Variants in NDST4 observed in about 807,000 individuals in gnomAD.
NDST4 encodes the protein N-heparan sulfate sulfotransferase 4.
In NDST4, 63 loss-of-function variants were observed where a neutral mutation model predicts 100.8. That is an observed-to-expected ratio of 0.62 (90% CI 0.51 to 0.77). NDST4 has a LOEUF of 0.77. Among genes scored for constraint, NDST4 ranks in the 30% least tolerant of loss-of-function variants. The pLI, the probability that NDST4 is intolerant of heterozygous loss-of-function variation, is 0.00. For missense variants in NDST4, 943 were observed against 1,018.4 expected, an observed-to-expected ratio of 0.93 and a Z score of 1.01; for synonymous variants, 377 against 361.8, an observed-to-expected ratio of 1.04 and a Z score of -0.48.
At chr4:114,855,869 C>T (rs1723782527) in intron 7 of NDST4, among the ~76,000 whole-genome samples, 1 of 151,974 alleles carries the variant, frequency 6.6e-6, no homozygotes, top group Non-Finnish European at 1.5e-5. Context: ...ACTATGTCAC[C>T]AAAGTTCTGA....
At position 114,827,879 on chromosome 4, in the gene NDST4, C is replaced by A; in HGVS notation, c.2556G>T (p.Leu852=). The stretch of plus-strand genomic sequence containing the variant: ...GCAGAGGCTGTCCCAGTCTGTGTAG[C>A]AGTTTGGATAGTTCCACATTATGAT... ...YRDHNVELSK[L]LHRLGQPLPS... The change falls in exon 14 of 14, where the codon CTG becomes CTT. Residue 852 remains leucine (L), a synonymous_variant. Coordinates refer to ENST00000264363, the MANE Select transcript of NDST4 (RefSeq NM_022569.3). 6.2e-7 allele frequency: 1 copy of A among 1,611,704 alleles called. No homozygotes were observed. The highest frequency in any genetic ancestry group is 1.1e-5 in the South Asian group (1 of 90,664).
intron 6 of NDST4, among the ~76,000 whole-genome samples, chr4:114,908,782 G>T (rs919219291): frequency 6.6e-6 from 1 of 152,062 alleles, no homozygotes; most frequent in Non-Finnish European, 1.5e-5. Flanking sequence ...TTAAACTGAT[G>T]AATTAATGTT....
chr4:114,955,817 C>G lies in NDST4; in HGVS notation c.1221+14613G>C, dbSNP rs568561440. ...GATGGCATGTGAGCCATGACCTGCTCCTTTCTCTTCCTGCCCCAGTTTAGA... is the reference window on the plus strand; with the variant it reads ...GATGGCATGTGAGCCATGACCTGCTGCTTTCTCTTCCTGCCCCAGTTTAGA... On this transcript the variant is annotated intron_variant, in intron 4 of 13. Coordinates refer to ENST00000264363, the MANE Select transcript of NDST4 (RefSeq NM_022569.3). 126 of 152,352 alleles carry G rather than the reference C, an allele frequency of 8.3e-4. 2 individuals are homozygous for G. The South Asian group carries it at 0.026, about 31-fold the overall frequency. The allele number at this position is 152,352 out of a possible 1,614,324, so 9.4% of individuals were successfully genotyped here.
At chr4:115,060,041 A>G (rs1391335871) in intron 2 of NDST4, among the ~76,000 whole-genome samples, 2 of 152,116 alleles carry the variant, frequency 1.3e-5, no homozygotes, top group Middle Eastern at 3.4e-3. Flanking sequence ...ATATTGCTAC[A>G]TAAAAACAAG....
At chr4:114,950,703 T>A (rs905560411) in intron 4 of NDST4, among the ~76,000 whole-genome samples, 2 of 152,098 alleles carry the variant, frequency 1.3e-5, no homozygotes, top group Non-Finnish European at 2.9e-5. Context: ...CTCTTTCTGC[T>A]ACTGCTCCCT....
At chr4:114,914,228 T>C (rs1336964284) in intron 6 of NDST4, among the ~76,000 whole-genome samples, 1 of 151,842 alleles carries the variant, frequency 6.6e-6, no homozygotes, top group Non-Finnish European at 1.5e-5. Context: ...AATTAATGGG[T>C]ACAAAAAAAT....
chr4:114,884,270 T>C (rs1283860929), intron 6 of NDST4, among the ~76,000 whole-genome samples: 1 of 152,092 alleles, frequency 6.6e-6, no homozygotes, highest in Non-Finnish European at 1.5e-5. Flanking sequence ...TGTGCTCACA[T>C]ATCAACTCCA....
intron 2 of NDST4, among the ~76,000 whole-genome samples, chr4:114,981,557 C>A (rs1726773486): frequency 6.6e-6 from 1 of 152,134 alleles, no homozygotes; most frequent in East Asian, 1.9e-4. Flanking sequence ...GTATCTACTC[C>A]CAGGCTTATC....
chr4:115,102,447 C>T (rs1312581637), intron 1 of NDST4, among the ~76,000 whole-genome samples: 1 of 151,968 alleles, frequency 6.6e-6, no homozygotes, highest in Non-Finnish European at 1.5e-5. Flanking sequence ...TCAATGATAA[C>T]AGTAATCAAA....
chr4:115,030,269 A>G (rs559596461), intron 2 of NDST4, among the ~76,000 whole-genome samples: 1 of 152,312 alleles, frequency 6.6e-6, no homozygotes, highest in South Asian at 2.1e-4. Context: ...AAATTACAAC[A>G]TAAAAATATA....
At chr4:114,871,747 T>C (rs974943430) in intron 6 of NDST4, among the ~76,000 whole-genome samples, 3 of 152,080 alleles carry the variant, frequency 2.0e-5, no homozygotes, top group Admixed American at 1.3e-4. Flanking sequence ...AGTTCATTAC[T>C]TTGTGACAAG....
At chr4:115,006,762 AC>A (rs1727428683) in intron 2 of NDST4, among the ~76,000 whole-genome samples, 1 of 152,070 alleles carries the variant, frequency 6.6e-6, no homozygotes, top group Non-Finnish European at 1.5e-5. Flanking sequence ...TGAAGTTGAA[AC>A]CATGGGTTTG....
intron 2 of NDST4, among the ~76,000 whole-genome samples, chr4:115,005,557 C>T (rs1262867644): frequency 6.6e-6 from 1 of 152,072 alleles, no homozygotes; most frequent in Non-Finnish European, 1.5e-5. Context: ...CAATGAGTGA[C>T]AAGTCCTTGT....
intron 2 of NDST4, among the ~76,000 whole-genome samples, chr4:115,008,339 G>T (rs1727466120): frequency 7.8e-6 from 1 of 128,846 alleles, no homozygotes; most frequent in Non-Finnish European, 1.7e-5. Flanking sequence ...GCAGTGGCTG[G>T]TACCAGTTGT....
intron 6 of NDST4, among the ~76,000 whole-genome samples, chr4:114,916,413 A>G (rs1290459750): frequency 6.6e-6 from 1 of 151,990 alleles, no homozygotes; most frequent in Non-Finnish European, 1.5e-5. Flanking sequence ...AGTCTTTTCC[A>G]TATATGCTTC....
At chr4:114,938,566 A>G (rs1259654307) in intron 4 of NDST4, among the ~76,000 whole-genome samples, 1 of 152,212 alleles carries the variant, frequency 6.6e-6, no homozygotes, top group African/African-American at 2.4e-5. Flanking sequence ...TCACACATGA[A>G]AGCTGATTGA....
At chr4:114,969,041 T>C (rs1726445795) in intron 4 of NDST4, among the ~76,000 whole-genome samples, 5 of 152,228 alleles carry the variant, frequency 3.3e-5, no homozygotes, top group Admixed American at 3.3e-4. Flanking sequence ...CTCCAAACAT[T>C]CAACTCATTC....
intron 10 of NDST4, among the ~76,000 whole-genome samples, chr4:114,842,353 G>A (rs1160789293): frequency 1.3e-5 from 2 of 151,742 alleles, no homozygotes; most frequent in East Asian, 1.9e-4. Context: ...TCCATCTCAG[G>A]TCTTTGGATT....
chr4:114,918,284 G>C (rs899518278), intron 6 of NDST4, among the ~76,000 whole-genome samples: 1 of 151,376 alleles, frequency 6.6e-6, no homozygotes, highest in Non-Finnish European at 1.5e-5. Flanking sequence ...CTGGGTGAAG[G>C]AGCAATCATG....
Sources: gnomAD v4.1 joint callset for allele counts (sites outside exome capture counted in the v4.1 genomes callset) on GRCh38, gnomAD v4.1.1 for gene constraint, MANE v1.5 for transcripts, NCBI Gene and HGNC (gene_info 2026-07-23, HGNC 2026-07-21) for gene names.